KMT5A: variants seen among roughly 807,000 people sequenced by gnomAD.
KMT5A encodes lysine methyltransferase 5A, also known as N-lysine methyltransferase KMT5A.
In KMT5A, 6 loss-of-function variants were observed where a neutral mutation model predicts 40.6. That is an observed-to-expected ratio of 0.15 (90% confidence interval 0.08 to 0.29). KMT5A has a LOEUF of 0.29. KMT5A is among the 10% of genes least tolerant of loss of function. KMT5A has a pLI of 1.00. For missense variants in KMT5A, 308 were observed against 459.1 expected (o/e 0.67, Z 3.01); for synonymous variants, 153 against 178.8 (o/e 0.86, Z 1.15).
At chr12:123,392,482 G>A (rs919319878) in intron 3 of KMT5A, among the ~76,000 whole-genome samples, 1 of 151,836 alleles carries the variant, frequency 6.6e-6, no homozygotes, top group East Asian at 1.9e-4. Flanking sequence ...ACATAGTGAG[G>A]CCTCATCTCT....
At chr12:123,390,158 TC>T in intron 2 of KMT5A, 1 of 465,562 alleles carries the variant, frequency 2.1e-6, no homozygotes, top group Non-Finnish European at 4.4e-6. Flanking sequence ...GGGGTCAGGC[TC>T]CGGCGCTCAT....
At chr12:123,398,143 A>G (rs1877877343) in intron 5 of KMT5A, among the ~76,000 whole-genome samples, 1 of 151,982 alleles carries the variant, frequency 6.6e-6, no homozygotes, top group Admixed American at 6.6e-5. Flanking sequence ...TTAGCCAGGC[A>G]TGATGGCAGG....
At chr12:123,388,030 C>G (rs985987972) in intron 1 of KMT5A, among the ~76,000 whole-genome samples, 2 of 152,226 alleles carry the variant, frequency 1.3e-5, no homozygotes, top group African/African-American at 2.4e-5. Flanking sequence ...TGTGGGCCCT[C>G]AAGCCTTAAT....
chr12:123,407,426 G>T, intron 7 of KMT5A, 67 bp from the exon 8 acceptor site: 1 of 1,446,166 alleles, frequency 6.9e-7, no homozygotes. Flanking sequence ...GAGCACAAGT[G>T]TGACTCTCTT....
Position 123,398,806 on chromosome 12 carries a change from A to G in KMT5A, c.597+2374A>G, listed in dbSNP as rs554246367. On this transcript the variant is annotated intron_variant, in intron 5 of 7. Transcript: ENST00000402868. ...TGGGGCTCATCTGAAGGGTGGGGTC[A>G]GTCCTGACTTGACTGCCATGCTGGG... Among the ~76,000 whole-genome samples the G allele has an allele frequency of 4.6e-5, 7 of 152,380 alleles. No homozygotes were observed. In the South Asian group the frequency reaches 8.3e-4, roughly 18 times the overall value.
chr12:123,397,854 G>C (rs572578407), intron 5 of KMT5A, among the ~76,000 whole-genome samples: 5 of 148,534 alleles, frequency 3.4e-5, no homozygotes, highest in African/African-American at 1.2e-4. Context: ...TTTTTTTTTA[G>C]TGGAGATTGG....
intron 3 of KMT5A, among the ~76,000 whole-genome samples, chr12:123,393,033 C>T (rs897166046): frequency 3.3e-5 from 5 of 152,060 alleles, no homozygotes; most frequent in East Asian, 1.9e-4. Flanking sequence ...CCCGCCACCA[C>T]GCTCGGCTAA....
intron 4 of KMT5A, among the ~76,000 whole-genome samples, chr12:123,395,891 C>T (rs1019852145): frequency 1.3e-5 from 2 of 151,744 alleles, no homozygotes; most frequent in African/African-American, 4.8e-5. Context: ...GGGTCTTATT[C>T]TGTCATCCAG....
chr12:123,395,184 T>A lies in KMT5A; in HGVS notation c.427T>A (p.Ser143Thr), dbSNP rs1313865123. The A allele has an allele frequency of 1.2e-6, 2 of 1,612,998 alleles. No individual in the cohort carries two copies. The highest frequency in any genetic ancestry group is 2.2e-5 in the South Asian group (2 of 90,884). Residue 143 changes from serine (S) to threonine (T), a missense_variant, in exon 4 of 8, where the codon TCA becomes ACA. By Grantham distance (58) the Ser-to-Thr change is moderately conservative (BLOSUM62 1). Around this residue, in one of 4 missense-constraint regions of KMT5A, gnomAD observed 127 missense variants for 129.8 expected, o/e 0.98. Coordinates refer to ENST00000402868, the MANE Select transcript of KMT5A (RefSeq NM_020382.7). Reference sequence around the variant, plus strand: ...AGCAGAACCTCCAAAAACTCCACCCTCATCTTGTGATTCCACCAATGCAGC... The same window carrying A: ...AGCAGAACCTCCAAAAACTCCACCCACATCTTGTGATTCCACCAATGCAGC... Reference protein sequence around the residue: ...EAAEPPKTPPSSCDSTNAAIA... With the variant: ...EAAEPPKTPPTSCDSTNAAIA...
chr12:123,403,145 C>T lies in KMT5A; in HGVS notation c.598-428C>T, dbSNP rs528408546. 1.1e-3 allele frequency among the ~76,000 whole-genome samples: 175 copies of T among 152,266 alleles called. 3 individuals carry two copies. Among genetic ancestry groups the T allele is most frequent in the African/African-American group, 3.9e-3 (160 of 41,510 alleles). ...GTCTCGAACTCGTGACCTTACGATC[C>T]GCCCGCCTCGGCCTCCCGAAGTGTT... On this transcript the variant is annotated intron_variant, in intron 5 of 7. Transcript: ENST00000402868.
In KMT5A at chr12:123,404,979, G is replaced by C; in HGVS notation, c.753G>C (p.Glu251Asp). ...TGGAATACCACGGGGACCTCATCGA[G>C]ATCACCGACGCCAAGAAACGGGAGG... ...FVVEYHGDLIEITDAKKREAL... is the reference protein window; with the variant it reads ...FVVEYHGDLIDITDAKKREAL... The change falls in exon 7 of 8, where the codon GAG (glutamate) becomes GAC (aspartate). Residue 251 changes from glutamate (E) to aspartate (D), a missense_variant. Physicochemically the swap from Glu to Asp is conservative, Grantham distance 45 (BLOSUM62 2). Transcript: ENST00000402868. The C allele has an allele frequency of 6.2e-7, 1 of 1,614,066 alleles. No homozygotes were observed.
At chr12:123,385,360 G>A (rs1876810688) in intron 1 of KMT5A, among the ~76,000 whole-genome samples, 1 of 152,074 alleles carries the variant, frequency 6.6e-6, no homozygotes, top group Non-Finnish European at 1.5e-5. Context: ...TTTTTCCTTT[G>A]AAAAGTGTTA....
chr12:123,395,034 C>T lies in KMT5A; in HGVS notation c.290-13C>T. The T allele has an allele frequency of 3.9e-6, 6 of 1,553,872 alleles. No individual in the cohort carries two copies. The highest frequency in any genetic ancestry group is 4.4e-6 in the Non-Finnish European group (5 of 1,147,908). On this transcript the variant is annotated splice_polypyrimidine_tract_variant and intron_variant, in intron 3 of 7. Coordinates refer to ENST00000402868, the MANE Select transcript of KMT5A (RefSeq NM_020382.7). ...ACAGAATAAACCCGTCTTTCCCCCA[C>T]CTCCGCCTGCAGAGAAAAGAAATGC...
chr12:123,390,652 C>T lies in KMT5A; in HGVS notation c.155C>T (p.Ser52Leu), dbSNP rs1877235838. ...TAGGAGAACGTATTTACCGGGCAGT[C>T]AAAGATCTATTCCTACATGAGCCCG... ...TDGENVFTGQ[S>L]KIYSYMSPNK... Residue 52 changes from serine to leucine, a missense_variant, in exon 3 of 8, where the codon TCA becomes TTA. Ser to Leu is a moderately radical substitution (Grantham distance 145). Coordinates refer to ENST00000402868, the MANE Select transcript of KMT5A (RefSeq NM_020382.7). 1 of 1,613,732 alleles carries T rather than the reference C, an allele frequency of 6.2e-7. No homozygotes were observed. The highest frequency in any genetic ancestry group is 8.5e-7 in the Non-Finnish European group (1 of 1,179,840).
intron 1 of KMT5A, chr12:123,388,767 C>CGGG (rs1024602837): frequency 1.8e-5 from 1 of 56,384 alleles, no homozygotes; most frequent in Non-Finnish European, 3.5e-5. Flanking sequence ...GGAGGGCGGG[C>CGGG]GGGAGCCTGG....
chr12:123,403,749 C>A, intron 6 of KMT5A, 117 bp downstream of exon 6: 1 of 1,084,874 alleles, frequency 9.2e-7, no homozygotes, highest in Non-Finnish European at 1.4e-6. Flanking sequence ...CCATGGTGAC[C>A]AGGCAGACTC....
intron 3 of KMT5A, among the ~76,000 whole-genome samples, chr12:123,394,085 A>G (rs1877507446): frequency 7.3e-6 from 1 of 137,778 alleles, no homozygotes; most frequent in Non-Finnish European, 1.5e-5. Flanking sequence ...GCAGCGTACT[A>G]TTTACTTAAT....
At chr12:123,395,808 C>T (rs556734968) in intron 4 of KMT5A, among the ~76,000 whole-genome samples, 2 of 152,194 alleles carry the variant, frequency 1.3e-5, no homozygotes, top group East Asian at 3.9e-4. Flanking sequence ...CGTGATCTGC[C>T]TGCCTCAGCC....
intron 5 of KMT5A, among the ~76,000 whole-genome samples, chr12:123,403,120 G>A (rs1429948952): frequency 6.6e-6 from 1 of 152,176 alleles, no homozygotes; most frequent in African/African-American, 2.4e-5. Context: ...TGCCAGGCTG[G>A]TCTCGAACTC....
Sources: allele counts gnomAD v4.1 joint callset (sites outside exome capture counted in the v4.1 genomes callset), GRCh38; gene constraint gnomAD v4.1.1; regional missense constraint gnomAD v4.1.1; transcripts MANE v1.5; gene names NCBI Gene and HGNC (gene_info 2026-07-23, HGNC 2026-07-21).